The following NBEA variants were observed in gnomAD, a reference collection of about 807,000 sequenced individuals.
NBEA encodes neurobeachin, also known as lysosomal-trafficking regulator 2.
NBEA carries 44 observed loss-of-function variants against 343.4 expected under a neutral mutation model. The ratio of observed to expected loss-of-function variants is 0.13; its 90% CI spans 0.10 to 0.16. NBEA has a LOEUF of 0.16. NBEA is among the 10% of genes least tolerant of loss of function. The pLI is 1.00. For missense variants in NBEA, 2,555 were observed against 3,631.3 expected, an observed-to-expected ratio of 0.70 and a Z score of 7.62; for synonymous variants, 1,175 against 1,238.7, an observed-to-expected ratio of 0.95 and a Z score of 1.08.
intron 38 of NBEA, among the ~76,000 whole-genome samples, chr13:35,367,933 G>T (rs1438759086): frequency 6.6e-6 from 1 of 151,460 alleles, no homozygotes; most frequent in Non-Finnish European, 1.5e-5. Flanking sequence ...AAAATACCTT[G>T]TTAACTGATT....
intron 1 of NBEA, among the ~76,000 whole-genome samples, chr13:34,991,143 C>G (rs2060736654): frequency 6.6e-6 from 1 of 152,168 alleles, no homozygotes; most frequent in Non-Finnish European, 1.5e-5. Context: ...CTTGGTCTTC[C>G]TGTCTTATGA....
Position 35,164,370 on chromosome 13 carries a change from C to G in NBEA, c.4094C>G (p.Ser1365Cys). 6.3e-7 allele frequency: 1 copy of G among 1,581,682 alleles called. No homozygotes were observed. Among genetic ancestry groups the G allele is most frequent in the Non-Finnish European group, 8.6e-7 (1 of 1,161,656 alleles). ...VHVWRSHSTK[S>C]VMDFVNSNEN... is the part of the protein sequence containing the mutation. ...CTGTATTTTAGCCATTCTACAAAGTCTGTAATGGATTTTGTCAATAGCAAT... is the reference window on the plus strand; with the variant it reads ...CTGTATTTTAGCCATTCTACAAAGTGTGTAATGGATTTTGTCAATAGCAAT... Residue 1365 changes from serine to cysteine, a missense_variant, in exon 24 of 59, where the codon TCT becomes TGT. Physicochemically the swap from Ser to Cys is moderately radical, Grantham distance 112. Coordinates refer to ENST00000379939, the MANE Select transcript of NBEA (RefSeq NM_001385012.1).
chr13:35,603,136 TA>T (rs1566393356), intron 47 of NBEA, among the ~76,000 whole-genome samples: 1 of 152,140 alleles, frequency 6.6e-6, no homozygotes, highest in Non-Finnish European at 1.5e-5. Flanking sequence ...TCCTTTTCTT[TA>T]ATAAAGTTCT....
chr13:35,483,736 A>G (rs1392079215), intron 41 of NBEA, among the ~76,000 whole-genome samples: 1 of 152,030 alleles, frequency 6.6e-6, no homozygotes, highest in Non-Finnish European at 1.5e-5. Flanking sequence ...AGAAATTTTA[A>G]TGTTATGCAT....
chr13:35,240,217 A>G (rs2029975956), intron 34 of NBEA, among the ~76,000 whole-genome samples: 2 of 151,926 alleles, frequency 1.3e-5, no homozygotes, highest in Non-Finnish European at 2.9e-5. Flanking sequence ...AATTAAAAGA[A>G]TAAAGTATTT....
At chr13:35,649,153 C>T (rs1466149370) in intron 51 of NBEA, among the ~76,000 whole-genome samples, 4 of 152,282 alleles carry the variant, frequency 2.6e-5, no homozygotes, top group East Asian at 1.9e-4. Context: ...GCCAGGGAAG[C>T]GCTCGGCTGC....
At chr13:35,011,317 T>C (rs1001950775) in intron 1 of NBEA, among the ~76,000 whole-genome samples, 3 of 152,000 alleles carry the variant, frequency 2.0e-5, no homozygotes, top group Non-Finnish European at 4.4e-5. Context: ...GGGAAATGGA[T>C]TGTAGAGGAG....
At chr13:35,343,366 T>G in intron 36 of NBEA, among the ~76,000 whole-genome samples, 1 of 152,118 alleles carries the variant, frequency 6.6e-6, no homozygotes, top group Non-Finnish European at 1.5e-5. Flanking sequence ...TCAGTGAATA[T>G]ATACAAGATT....
At chr13:35,341,491 T>A (rs2039581662) in intron 36 of NBEA, among the ~76,000 whole-genome samples, 1 of 152,016 alleles carries the variant, frequency 6.6e-6, no homozygotes, top group Non-Finnish European at 1.5e-5. Flanking sequence ...GCAAATCATG[T>A]GTCTAATAAA....
intron 6 of NBEA, among the ~76,000 whole-genome samples, chr13:35,051,442 T>G (rs2063062842): frequency 6.6e-6 from 1 of 151,986 alleles, no homozygotes; most frequent in Non-Finnish European, 1.5e-5. Context: ...TATATTATTT[T>G]GGGTGGTATT....
chr13:35,362,233 T>C (rs1220987033), intron 38 of NBEA, among the ~76,000 whole-genome samples: 2 of 151,954 alleles, frequency 1.3e-5, no homozygotes, highest in Non-Finnish European at 2.9e-5. Context: ...CTGTTATTTC[T>C]GTGCAAACAC....
At chr13:35,193,625 ACCTGTTT>A (rs1353047812) in intron 30 of NBEA, among the ~76,000 whole-genome samples, 3 of 151,818 alleles carry the variant, frequency 2.0e-5, no homozygotes, top group Non-Finnish European at 4.4e-5. Flanking sequence ...TTTACTTCTT[ACCTGTTT>A]CCTTCTCTAG....
chr13:35,241,127 A>G (rs1488092688), intron 34 of NBEA, among the ~76,000 whole-genome samples: 1 of 151,918 alleles, frequency 6.6e-6, no homozygotes, highest in East Asian at 1.9e-4. Flanking sequence ...ATGGAATTTA[A>G]TAAGCTTTAT....
intron 41 of NBEA, among the ~76,000 whole-genome samples, chr13:35,544,930 T>G (rs2078999325): frequency 6.6e-6 from 1 of 152,238 alleles, no homozygotes; most frequent in Non-Finnish European, 1.5e-5. Flanking sequence ...TATTAAATAC[T>G]TTGAAGAAAC....
intron 40 of NBEA, among the ~76,000 whole-genome samples, chr13:35,462,872 G>A (rs2046984155): frequency 6.6e-6 from 1 of 152,204 alleles, no homozygotes; most frequent in Admixed American, 6.5e-5. Flanking sequence ...AGGCCTGAGA[G>A]GAGAGGTGGT....
chr13:35,364,136 T>C (rs673501), intron 38 of NBEA, among the ~76,000 whole-genome samples: 44,267 of 151,782 alleles, frequency 0.29, 8,300 homozygotes, highest in African/African-American at 0.54. Context: ...CCAAAACATA[T>C]TTCTCTTATG....
chr13:35,001,346 A>G (rs758103152), intron 1 of NBEA, among the ~76,000 whole-genome samples: 2 of 152,128 alleles, frequency 1.3e-5, no homozygotes, highest in Non-Finnish European at 2.9e-5. Context: ...AAGAAAATCA[A>G]CATATGAAAG....
intron 34 of NBEA, among the ~76,000 whole-genome samples, chr13:35,258,969 G>A (rs2032943934): frequency 6.6e-6 from 1 of 152,170 alleles, no homozygotes; most frequent in South Asian, 2.1e-4. Flanking sequence ...GCTAGGCTAA[G>A]CTATGACATT....
chr13:35,417,222 G>A (rs1354105662), intron 38 of NBEA, among the ~76,000 whole-genome samples: 1 of 151,882 alleles, frequency 6.6e-6, no homozygotes, highest in African/African-American at 2.4e-5. Context: ...AGGGTTTTTT[G>A]TGTCTCTATT....
Sources: gnomAD v4.1 joint callset for allele counts (sites outside exome capture counted in the v4.1 genomes callset) on GRCh38, gnomAD v4.1.1 for gene constraint, MANE v1.5 for transcripts, NCBI Gene and HGNC (gene_info 2026-07-23, HGNC 2026-07-21) for gene names.